The following DSCAM variants were observed in gnomAD, a reference collection of about 807,000 sequenced individuals.
DSCAM encodes the protein cell adhesion molecule DSCAM.
DSCAM carries 47 observed loss-of-function variants against 217.7 expected under a neutral mutation model. The ratio of observed to expected loss-of-function variants is 0.22; its 90% CI spans 0.17 to 0.28. The LOEUF is 0.28. DSCAM is among the 10% of genes least tolerant of loss of function. The pLI, the probability that DSCAM is intolerant of heterozygous loss-of-function variation, is 1.00. For synonymous variants in DSCAM, 1,056 were observed against 1,015.3 expected (o/e 1.04, Z -0.76); for missense variants, 2,080 against 2,618.3 (o/e 0.79, Z 4.49).
intron 14 of DSCAM, among the ~76,000 whole-genome samples, chr21:40,179,768 G>A (rs2090778671): frequency 6.6e-6 from 1 of 152,250 alleles, no homozygotes. Context: ...TACTTTGTGT[G>A]AAATGTTATC....
chr21:40,270,477 T>C (rs925398933), intron 11 of DSCAM, among the ~76,000 whole-genome samples: 1 of 152,188 alleles, frequency 6.6e-6, no homozygotes, highest in African/African-American at 2.4e-5. Context: ...TTTAGGAAAG[T>C]GCATAAGCTG....
chr21:40,496,397 A>G (rs1246094715), intron 3 of DSCAM, among the ~76,000 whole-genome samples: 4 of 152,216 alleles, frequency 2.6e-5, no homozygotes, highest in Non-Finnish European at 5.9e-5. Flanking sequence ...TAGATTTTCA[A>G]CAAAGGTGCC....
chr21:40,037,821 A>G (rs959226405), intron 32 of DSCAM, among the ~76,000 whole-genome samples: 3 of 141,058 alleles, frequency 2.1e-5, no homozygotes, highest in Non-Finnish European at 4.6e-5. Flanking sequence ...AAACACAGAT[A>G]TAGAACAATG....
Position 40,386,489 on chromosome 21 carries a change from G to T in DSCAM, c.509-17244C>A, listed in dbSNP as rs574054728. Among the ~76,000 whole-genome samples the T allele has an allele frequency of 2.0e-5, 3 of 152,272 alleles. No individual in the cohort carries two copies. In the South Asian group the frequency reaches 6.2e-4, roughly 32 times the overall value. The stretch of plus-strand genomic sequence containing the variant: ...GCCGGGCCGCTGCGGGAGAACACTC[G>T]GTGCCCCCTGCTGGTCAGACCGAGG... On this transcript the variant is annotated intron_variant, in intron 3 of 32. Transcript: ENST00000400454.
intron 3 of DSCAM, among the ~76,000 whole-genome samples, chr21:40,562,373 A>C (rs1018574181): frequency 2.0e-5 from 3 of 152,118 alleles, no homozygotes; most frequent in African/African-American, 7.2e-5. Context: ...ATGATTGTTA[A>C]GTTTCCTGGG....
chr21:40,820,645 G>T (rs1055062923), intron 1 of DSCAM, among the ~76,000 whole-genome samples: 3 of 151,900 alleles, frequency 2.0e-5, no homozygotes, highest in African/African-American at 7.3e-5. Flanking sequence ...TTTAAATTAG[G>T]GTCATAAATA....
intron 20 of DSCAM, among the ~76,000 whole-genome samples, chr21:40,123,870 A>G (rs1449476150): frequency 4.6e-5 from 7 of 152,108 alleles, no homozygotes; most frequent in South Asian, 2.1e-4. Flanking sequence ...AGTAAAATCA[A>G]TAGGTGTTGT....
At chr21:40,737,509 C>T (rs2091076709) in intron 1 of DSCAM, among the ~76,000 whole-genome samples, 1 of 152,092 alleles carries the variant, frequency 6.6e-6, no homozygotes, top group East Asian at 1.9e-4. Flanking sequence ...GGCATAGTGG[C>T]AGGTGCCTAT....
At chr21:40,497,402 T>C (rs1220802446) in intron 3 of DSCAM, among the ~76,000 whole-genome samples, 1 of 151,378 alleles carries the variant, frequency 6.6e-6, no homozygotes, top group East Asian at 1.9e-4. Context: ...TGATCTCATA[T>C]GTGAAATCTA....
chr21:40,634,885 C>T (rs904368982), intron 3 of DSCAM, among the ~76,000 whole-genome samples: 1 of 152,178 alleles, frequency 6.6e-6, no homozygotes. Context: ...TATCACCCTT[C>T]CTTGAGTTAT....
chr21:40,101,604 G>A (rs999758399), intron 20 of DSCAM, among the ~76,000 whole-genome samples: 16 of 152,076 alleles, frequency 1.1e-4, no homozygotes, highest in African/African-American at 3.9e-4. Flanking sequence ...CGGGGGTTGG[G>A]GAATCCTGCT....
rs368485297 is a variant in DSCAM at position 40,763,839 on chromosome 21, T to A, written c.44-55068A>T. Among the ~76,000 whole-genome samples the A allele has an allele frequency of 9.7e-4, 148 of 152,270 alleles. 3 individuals are homozygous for A. In the South Asian group the frequency reaches 0.03, roughly 31 times the overall value. On this transcript the variant is annotated intron_variant, in intron 1 of 32. Transcript: ENST00000400454. ...TGGAAAACGTGACAAGAACAAGCAATGGGGAAAGGATTCCCTATTTAATAA... is the reference window on the plus strand; with the variant it reads ...TGGAAAACGTGACAAGAACAAGCAAAGGGGAAAGGATTCCCTATTTAATAA...
chr21:40,179,574 T>A (rs369593066), intron 14 of DSCAM, among the ~76,000 whole-genome samples: 2 of 152,208 alleles, frequency 1.3e-5, no homozygotes, highest in Admixed American at 1.3e-4. Context: ...CCATATCAGA[T>A]CCTTTCCTCC....
intron 6 of DSCAM, 96 bp downstream of exon 6, chr21:40,347,574 T>C: frequency 3.9e-6 from 6 of 1,528,740 alleles, no homozygotes; most frequent in Non-Finnish European, 4.5e-6. Context: ...AGCCTAGAAC[T>C]GAGCGATCAG....
chr21:40,746,011 T>TTAAA (rs2091170633), intron 1 of DSCAM, among the ~76,000 whole-genome samples: 1 of 151,988 alleles, frequency 6.6e-6, no homozygotes, highest in South Asian at 2.1e-4. Flanking sequence ...TATAACATGA[T>TTAAA]TTTAAGCATC....
chr21:40,845,314 G>GT (rs1459982632), intron 1 of DSCAM, among the ~76,000 whole-genome samples: 8 of 152,076 alleles, frequency 5.3e-5, no homozygotes, highest in East Asian at 3.9e-4. Flanking sequence ...CTTAGTCACC[G>GT]TTTTTTTAAA....
At chr21:40,344,733 T>C (rs1159774792) in intron 6 of DSCAM, among the ~76,000 whole-genome samples, 1 of 152,232 alleles carries the variant, frequency 6.6e-6, no homozygotes, top group Non-Finnish European at 1.5e-5. Context: ...TTAACTCTGA[T>C]GTACTGACAT....
chr21:40,690,014 C>T (rs1362459378), intron 3 of DSCAM, among the ~76,000 whole-genome samples: 1 of 152,190 alleles, frequency 6.6e-6, no homozygotes, highest in Non-Finnish European at 1.5e-5. Context: ...CGGCCTCCAC[C>T]CCGGCACAGC....
chr21:40,303,235 A>G (rs950129062), intron 9 of DSCAM, among the ~76,000 whole-genome samples: 4 of 152,128 alleles, frequency 2.6e-5, no homozygotes, highest in Non-Finnish European at 4.4e-5. Flanking sequence ...GCCTCTGCTT[A>G]TATCTCTGCC....
Sources: allele counts gnomAD v4.1 joint callset (sites outside exome capture counted in the v4.1 genomes callset), GRCh38; gene constraint gnomAD v4.1.1; transcripts MANE v1.5; gene names NCBI Gene and HGNC (gene_info 2026-07-23, HGNC 2026-07-21).